Variants in MGAT4C observed in about 807,000 individuals in gnomAD.
MGAT4C encodes the protein alpha-1,3-mannosyl-glycoprotein 4-beta-N-acetylglucosaminyltransferase C.
Under a neutral mutation model 40.1 loss-of-function variants are expected in MGAT4C, and 19 were observed. That is an observed-to-expected ratio of 0.47 (90% CI 0.33 to 0.70). MGAT4C has a LOEUF of 0.70. Ranked by LOEUF, MGAT4C falls within the 30% of genes least tolerant of loss-of-function variation. The pLI is 0.02. For missense variants in MGAT4C, 491 were observed against 563.2 expected (o/e 0.87, Z 1.30); for synonymous variants, 181 against 187.1 (o/e 0.97, Z 0.27).
intron 1 of MGAT4C, among the ~76,000 whole-genome samples, chr12:86,086,621 T>C (rs908842158): frequency 2.0e-5 from 3 of 152,098 alleles, no homozygotes; most frequent in Non-Finnish European, 4.4e-5. Context: ...AATAATCCAA[T>C]TAGTGTAACT....
At chr12:86,688,241 T>C (rs1309479371) in intron 2 of MGAT4C, among the ~76,000 whole-genome samples, 1 of 150,846 alleles carries the variant, frequency 6.6e-6, no homozygotes, top group South Asian at 2.1e-4. Flanking sequence ...ATGTGTGTCT[T>C]TGCACATGAA....
intron 2 of MGAT4C, among the ~76,000 whole-genome samples, chr12:86,620,905 C>A (rs2136488549): frequency 6.6e-6 from 1 of 152,252 alleles, no homozygotes; most frequent in African/African-American, 2.4e-5. Context: ...ACTTGCTTCC[C>A]CTTCGGCTTC....
chr12:86,807,240 C>T (rs137941541), intron 1 of MGAT4C, among the ~76,000 whole-genome samples: 6 of 151,906 alleles, frequency 3.9e-5, no homozygotes, highest in African/African-American at 1.2e-4. Context: ...TTAAGCTCAA[C>T]ATGCATTAGC....
intron 2 of MGAT4C, among the ~76,000 whole-genome samples, chr12:86,588,159 GCA>G (rs1961151018): frequency 2.0e-5 from 3 of 151,592 alleles, no homozygotes; most frequent in African/African-American, 7.3e-5. Context: ...TTAGCATGAA[GCA>G]TTGTTGAATT....
intron 1 of MGAT4C, among the ~76,000 whole-genome samples, chr12:86,751,766 TAAGA>T (rs1313805318): frequency 1.3e-5 from 2 of 152,158 alleles, no homozygotes; most frequent in African/African-American, 4.8e-5. Context: ...ATTAAAGCCT[TAAGA>T]AAGGCAAAAT....
rs532790070 is a variant in MGAT4C at position 86,627,356 on chromosome 12, G to T, written c.-229+99853C>A. On this transcript the variant is annotated intron_variant, in intron 2 of 7. Transcript: ENST00000548651. ...TTAAACATCCCTCTCTGACAGCTCTGAAGAGAGCAGTGGTTCTTGCAGCAT... is the reference window on the plus strand; with the variant it reads ...TTAAACATCCCTCTCTGACAGCTCTTAAGAGAGCAGTGGTTCTTGCAGCAT... Among the ~76,000 whole-genome samples the T allele has an allele frequency of 2.5e-4, 38 of 152,300 alleles. No individual in the cohort carries two copies. In the South Asian group the frequency reaches 7.9e-3, roughly 32 times the overall value.
intron 2 of MGAT4C, among the ~76,000 whole-genome samples, chr12:86,618,035 T>G (rs1453200398): frequency 6.6e-6 from 1 of 152,124 alleles, no homozygotes. Context: ...AATGGACATT[T>G]CTCAAAGGAA....
At chr12:86,042,459 T>A (rs1422204233) in intron 2 of MGAT4C, among the ~76,000 whole-genome samples, 3 of 152,180 alleles carry the variant, frequency 2.0e-5, no homozygotes, top group African/African-American at 7.2e-5. Context: ...GTCTTTCCTA[T>A]CCATATTTGG....
chr12:86,812,964 T>A (rs954540621), intron 1 of MGAT4C, among the ~76,000 whole-genome samples: 3 of 152,070 alleles, frequency 2.0e-5, no homozygotes, highest in Non-Finnish European at 4.4e-5. Flanking sequence ...GGTGAAAAAA[T>A]TAGCCTAGAT....
At chr12:86,482,099 C>CACACACAT (rs1375497036) in intron 2 of MGAT4C, among the ~76,000 whole-genome samples, 76 of 151,562 alleles carry the variant, frequency 5.0e-4, no homozygotes, top group African/African-American at 1.8e-3. Flanking sequence ...CACACACACA[C>CACACACAT]ACAAGCAAGT....
intron 2 of MGAT4C, among the ~76,000 whole-genome samples, chr12:86,509,695 A>G (rs1958538267): frequency 6.6e-6 from 1 of 152,192 alleles, no homozygotes; most frequent in South Asian, 2.1e-4. Flanking sequence ...ACCCATGAGC[A>G]TGAAATGTTC....
intron 2 of MGAT4C, among the ~76,000 whole-genome samples, chr12:86,568,104 T>C (rs1022235316): frequency 2.6e-5 from 4 of 152,112 alleles, no homozygotes; most frequent in Non-Finnish European, 4.4e-5. Flanking sequence ...TTTGATTGGA[T>C]TGAAGAATAC....
rs1883536078 is a variant in MGAT4C at position 86,146,527 on chromosome 12, C to A, written c.-56-96804G>T. 5.9e-5 allele frequency among the ~76,000 whole-genome samples: 9 copies of A among 152,128 alleles called. 1 individual carries two copies. Among genetic ancestry groups the A allele is most frequent in the African/African-American group, 2.2e-4 (9 of 41,528 alleles). On this transcript the variant is annotated intron_variant, in intron 1 of 4. Transcript: ENST00000611864. ...TTAATAGAATGTTATCTACTGGTTT[C>A]TTTTCCGTGTTCTCTTATTCTATTT... is the stretch of plus-strand genomic sequence containing the variant.
chr12:86,041,747 T>C (rs1387057607), intron 2 of MGAT4C, among the ~76,000 whole-genome samples: 1 of 152,204 alleles, frequency 6.6e-6, no homozygotes, highest in Non-Finnish European at 1.5e-5. Flanking sequence ...AATTATGCAG[T>C]CAATTTCAGA....
At chr12:86,628,955 T>C (rs1163089489) in intron 2 of MGAT4C, among the ~76,000 whole-genome samples, 1 of 151,664 alleles carries the variant, frequency 6.6e-6, no homozygotes, top group Non-Finnish European at 1.5e-5. Flanking sequence ...ACTGGCAAAC[T>C]GGATAAAGAG....
chr12:86,817,442 A>G (rs1223624472), intron 1 of MGAT4C, among the ~76,000 whole-genome samples: 1 of 151,500 alleles, frequency 6.6e-6, no homozygotes, highest in Non-Finnish European at 1.5e-5. Context: ...TGAATGTTCC[A>G]CGTGTATTCT....
intron 2 of MGAT4C, among the ~76,000 whole-genome samples, chr12:86,694,430 C>A (rs1950221044): frequency 6.6e-6 from 1 of 152,144 alleles, no homozygotes; most frequent in East Asian, 1.9e-4. Context: ...CATTAGAGAA[C>A]CAGAGCTGCA....
At chr12:86,162,877 T>G (rs1263670935) in intron 1 of MGAT4C, among the ~76,000 whole-genome samples, 1 of 152,186 alleles carries the variant, frequency 6.6e-6, no homozygotes, top group Non-Finnish European at 1.5e-5. Context: ...TGTGGGACAT[T>G]CTACTCAGAT....
intron 1 of MGAT4C, among the ~76,000 whole-genome samples, chr12:86,736,459 ATGCAACAT>A (rs1950987132): frequency 6.6e-6 from 1 of 151,752 alleles, no homozygotes; most frequent in Non-Finnish European, 1.5e-5. Context: ...ACTTCCTTAA[ATGCAACAT>A]TGTTTCCTAT....
Sources: gnomAD v4.1 joint callset for allele counts (sites outside exome capture counted in the v4.1 genomes callset) on GRCh38, gnomAD v4.1.1 for gene constraint, MANE v1.5 for transcripts, NCBI Gene and HGNC (gene_info 2026-07-23, HGNC 2026-07-21) for gene names.